RALGAPA1: variants seen among roughly 807,000 people sequenced by gnomAD.
RALGAPA1 encodes Ral GTPase activating protein catalytic subunit alpha 1, also known as ral GTPase-activating protein subunit alpha-1.
RALGAPA1 carries 52 observed loss-of-function variants against 269.6 expected under a neutral mutation model. The ratio of observed to expected loss-of-function variants is 0.19; its 90% CI spans 0.15 to 0.24. RALGAPA1 has a LOEUF of 0.24. RALGAPA1 is among the 10% of genes least tolerant of loss of function. RALGAPA1 has a pLI of 1.00. For synonymous variants in RALGAPA1, 817 were observed against 1,008.3 expected, an observed-to-expected ratio of 0.81 and a Z score of 3.60; for missense variants, 1,917 against 3,013.9, an observed-to-expected ratio of 0.64 and a Z score of 8.52.
At position 35,651,872 on chromosome 14, in the gene RALGAPA1, A is replaced by C; in HGVS notation, c.5609T>G (p.Ile1870Ser). Residue 1870 changes from isoleucine to serine, a missense_variant and splice_region_variant, in exon 31 of 42, where the codon ATC (isoleucine) becomes AGC (serine). Ile to Ser is a moderately radical substitution (Grantham distance 142, BLOSUM62 -2). This residue lies in a region of RALGAPA1 where 346 missense variants were observed against 566.1 expected (regional missense o/e 0.61). Transcript: ENST00000680220. ...QPDSPLKIIQ[I>S]LIATITHLLP... The stretch of plus-strand genomic sequence containing the variant: ...AAGATGGGTGATGGTAGCTATTAGG[A>C]TCTGTAAGCAAAAAAAAATTTTTTT... The C allele has an allele frequency of 6.6e-7, 1 of 1,519,164 alleles. No homozygotes were observed. The highest frequency in any genetic ancestry group is 1.2e-5 in the South Asian group (1 of 84,720). The allele number at this position is 1,519,164 out of a possible 1,614,324, so 94.1% of individuals were successfully genotyped here.
chr14:35,761,146 G>T, intron 5 of RALGAPA1, 140 bp from the exon 6 acceptor site: 1 of 555,224 alleles, frequency 1.8e-6, no homozygotes. Context: ...AAGTTGAGGA[G>T]AAGAGAGACA....
rs1407140784 is a variant in RALGAPA1 at position 35,660,356 on chromosome 14, A to G, written c.5329-1160T>C. Among the ~76,000 whole-genome samples the G allele has an allele frequency of 3.3e-5, 5 of 152,254 alleles. No homozygotes were observed. In the East Asian group the frequency reaches 9.6e-4, roughly 29 times the overall value. On this transcript the variant is annotated intron_variant, in intron 27 of 41. Transcript: ENST00000680220. ...AAAATCAGTTGTGTTTCTATACACT[A>G]ACAGTGAACTATCTGAAAAAGAAAC... is the stretch of plus-strand genomic sequence containing the variant.
intron 16 of RALGAPA1, among the ~76,000 whole-genome samples, chr14:35,718,807 A>G (rs981633129): frequency 6.6e-6 from 1 of 151,806 alleles, no homozygotes; most frequent in African/African-American, 2.4e-5. Flanking sequence ...TCCATCTCAA[A>G]AAATAAATAA....
chr14:35,685,280 CCAAA>C (rs2065822022), intron 19 of RALGAPA1, 135 bp from the exon 20 acceptor site: 2 of 765,936 alleles, frequency 2.6e-6, no homozygotes, highest in African/African-American at 3.5e-5. Context: ...AACACACTCA[CCAAA>C]CAATCTATGT....
intron 1 of RALGAPA1, among the ~76,000 whole-genome samples, chr14:35,781,340 A>C (rs1163958996): frequency 2.0e-5 from 3 of 152,168 alleles, no homozygotes; most frequent in Admixed American, 6.6e-5. Flanking sequence ...ACCTACAATG[A>C]ATGAGAAGAT....
rs2072372870 is a variant in RALGAPA1, at chr14:35,748,654, A to G, written c.1182T>C (p.Ile394=). Residue 394 remains isoleucine (I), a synonymous_variant, in exon 10 of 42, where the codon ATT becomes ATC. Coordinates refer to ENST00000680220, the MANE Select transcript of RALGAPA1 (RefSeq NM_001346249.2). ...AAGAAAAAACTCTGCGAACTATTTC[A>G]ATGTCTGTGAGATGTTCTTCATCAA... The part of the protein sequence containing the change: ...CSIDEEHLTD[I]EIVRRVFSSK... 6.2e-7 allele frequency: 1 copy of G among 1,612,378 alleles called. No homozygotes were observed. The highest frequency in any genetic ancestry group is 8.5e-7 in the Non-Finnish European group (1 of 1,179,420).
At chr14:35,575,245 T>C (rs953695778) in intron 37 of RALGAPA1, among the ~76,000 whole-genome samples, 5 of 152,082 alleles carry the variant, frequency 3.3e-5, no homozygotes, top group African/African-American at 1.2e-4. Context: ...TGAAATAGAG[T>C]AGAAGACTTC....
At chr14:35,671,270 C>T in intron 26 of RALGAPA1, 119 bp downstream of exon 26, 1 of 734,332 alleles carries the variant, frequency 1.4e-6, no homozygotes, top group Non-Finnish European at 2.1e-6. Flanking sequence ...GTAGGAGAAG[C>T]AATCAATTCC....
At chr14:35,619,129 A>G (rs375737862) in intron 35 of RALGAPA1, among the ~76,000 whole-genome samples, 3 of 152,276 alleles carry the variant, frequency 2.0e-5, no homozygotes, top group East Asian at 1.9e-4. Flanking sequence ...AATATATTAT[A>G]AAGCTATATT....
chr14:35,549,054 G>C (rs964837583), intron 40 of RALGAPA1, 56 bp downstream of exon 40: 2 of 1,583,736 alleles, frequency 1.3e-6, no homozygotes, highest in Admixed American at 1.7e-5. Context: ...TAGAACAAAA[G>C]GGTACTGCAT....
chr14:35,579,776 T>C (rs143601401), intron 37 of RALGAPA1, among the ~76,000 whole-genome samples: 52 of 152,284 alleles, frequency 3.4e-4, no homozygotes, highest in South Asian at 1.2e-3. Context: ...ACTGGAGTTA[T>C]GGGCAGAGTT....
intron 39 of RALGAPA1, 86 bp from the exon 40 acceptor site, chr14:35,549,320 G>T: frequency 7.5e-7 from 1 of 1,331,982 alleles, no homozygotes; most frequent in Non-Finnish European, 1.0e-6. Context: ...TGATTGCTAA[G>T]CCATTACTTC....
chr14:35,808,476 T>G (rs1455527870), intron 1 of RALGAPA1, among the ~76,000 whole-genome samples: 1 of 152,216 alleles, frequency 6.6e-6, no homozygotes, highest in African/African-American at 2.4e-5. Flanking sequence ...ATCTAAGTTT[T>G]TAGAGTAATA....
intron 37 of RALGAPA1, among the ~76,000 whole-genome samples, chr14:35,573,712 C>G (rs980700405): frequency 3.9e-5 from 6 of 152,108 alleles, no homozygotes; most frequent in Non-Finnish European, 8.8e-5. Context: ...CTCCTTAATC[C>G]TGGAGTAACT....
intron 16 of RALGAPA1, among the ~76,000 whole-genome samples, chr14:35,700,638 T>C (rs2067260007): frequency 6.6e-6 from 1 of 152,210 alleles, no homozygotes. Flanking sequence ...AATGAAAACA[T>C]TGAAAATAAC....
At chr14:35,619,723 T>C (rs2060485497) in intron 35 of RALGAPA1, among the ~76,000 whole-genome samples, 1 of 152,136 alleles carries the variant, frequency 6.6e-6, no homozygotes, top group East Asian at 1.9e-4. Context: ...TAAACACCTC[T>C]AAGCAAATAA....
chr14:35,616,573 C>A (rs1031522870), intron 35 of RALGAPA1, among the ~76,000 whole-genome samples: 1 of 152,138 alleles, frequency 6.6e-6, no homozygotes, highest in Non-Finnish European at 1.5e-5. Context: ...CTAATGTAAA[C>A]TTTGGACTTC....
chr14:35,545,905 A>G (rs1368991049), intron 41 of RALGAPA1, among the ~76,000 whole-genome samples: 1 of 152,156 alleles, frequency 6.6e-6, no homozygotes, highest in Admixed American at 6.5e-5. Context: ...AAGGAGAGGT[A>G]TTTGTAAATA....
At chr14:35,632,121 T>C (rs945748348) in intron 33 of RALGAPA1, among the ~76,000 whole-genome samples, 1 of 152,186 alleles carries the variant, frequency 6.6e-6, no homozygotes, top group Non-Finnish European at 1.5e-5. Flanking sequence ...TATGTCTGTA[T>C]ATAAAAGGAT....
Sources: gnomAD v4.1 joint callset for allele counts (sites outside exome capture counted in the v4.1 genomes callset) on GRCh38, gnomAD v4.1.1 for gene constraint, gnomAD v4.1.1 regional missense constraint, MANE v1.5 for transcripts, NCBI Gene and HGNC (gene_info 2026-07-23, HGNC 2026-07-21) for gene names.